ZNF469: variants seen among roughly 807,000 people sequenced by gnomAD.
ZNF469 encodes the protein zinc finger protein 469.
Under a neutral mutation model 1.0 loss-of-function variants are expected in ZNF469, and 1 was observed. The observed-to-expected ratio is 1.00, with a 90% CI of 0.35 to 4.73. ZNF469 has a LOEUF of 4.73. Among genes scored for constraint, ZNF469 ranks in the 30% most tolerant of loss-of-function variants. The pLI is 0.16. For synonymous variants in ZNF469, 2,703 were observed against 2,363.4 expected (o/e 1.14, Z -4.17); for missense variants, 6,100 against 5,356.3 (o/e 1.14, Z -4.33).
At chr16:88,239,678 T>C in the ZNF469 span, among the ~76,000 whole-genome samples, 16 of 4,026 alleles carry the variant, frequency 4.0e-3, 1 homozygote, top group African/African-American at 0.018. Context: ...TATATATATA[T>C]ATATATATAT....
At chr16:88,296,910 G>T in the ZNF469 span, among the ~76,000 whole-genome samples, 6 of 152,194 alleles carry the variant, frequency 3.9e-5, no homozygotes, top group Non-Finnish European at 7.3e-5. Context: ...GCAGCACGTT[G>T]GATGCAGCTG....
chr16:88,307,979 T>A, the ZNF469 span, among the ~76,000 whole-genome samples: 6 of 152,354 alleles, frequency 3.9e-5, no homozygotes, highest in East Asian at 3.9e-4. Context: ...CTCTCACATT[T>A]AGGTTGCTAC....
chr16:88,105,096 G>C, the ZNF469 span, among the ~76,000 whole-genome samples: 674 of 152,206 alleles, frequency 4.4e-3, 3 homozygotes, highest in African/African-American at 0.015. Flanking sequence ...TGGTGCGTGT[G>C]TATAGTCCCA....
the ZNF469 span, among the ~76,000 whole-genome samples, chr16:88,344,091 A>G: frequency 6.6e-6 from 1 of 152,274 alleles, no homozygotes; most frequent in East Asian, 1.9e-4. Context: ...GAGAGTCTCA[A>G]CAGGGAGAGA....
At chr16:88,249,793 G>C in the ZNF469 span, among the ~76,000 whole-genome samples, 1 of 148,402 alleles carries the variant, frequency 6.7e-6, no homozygotes, top group East Asian at 2.0e-4. Context: ...GCTGGTCTGG[G>C]CTCAAGTGAT....
chr16:88,292,424 TCCC>T, the ZNF469 span, among the ~76,000 whole-genome samples: 1 of 152,106 alleles, frequency 6.6e-6, no homozygotes, highest in African/African-American at 2.4e-5. Flanking sequence ...GCCTCCACCC[TCCC>T]ATCTATGAAT....
the ZNF469 span, among the ~76,000 whole-genome samples, chr16:88,136,409 C>T: frequency 2.1e-4 from 32 of 152,354 alleles, no homozygotes; most frequent in African/African-American, 7.5e-4. Flanking sequence ...TTGAGGATGG[C>T]GTGTTGCAGC....
chr16:88,199,961 C>T, the ZNF469 span, among the ~76,000 whole-genome samples: 532 of 152,306 alleles, frequency 3.5e-3, 3 homozygotes, highest in African/African-American at 0.012. Context: ...CCGAGGACCC[C>T]GCAGCAAGGG....
the ZNF469 span, among the ~76,000 whole-genome samples, chr16:88,139,329 GC>G: frequency 6.6e-6 from 1 of 152,066 alleles, no homozygotes; most frequent in Non-Finnish European, 1.5e-5. Context: ...AAACCTTTTT[GC>G]CCCCTGGCCT....
At chr16:88,408,420 G>A (rs1905069162) in intron 1 of ZNF469, among the ~76,000 whole-genome samples, 1 of 152,236 alleles carries the variant, frequency 6.6e-6, no homozygotes, top group African/African-American at 2.4e-5. Flanking sequence ...CCAAAGTGCT[G>A]GGATTTCAGG....
the ZNF469 span, among the ~76,000 whole-genome samples, chr16:88,323,311 GGCC>G: frequency 6.6e-6 from 1 of 152,224 alleles, no homozygotes; most frequent in Admixed American, 6.5e-5. Flanking sequence ...CACCCTCGCA[GGCC>G]GCTCAGTGGA....
chr16:88,269,898 T>C, the ZNF469 span, among the ~76,000 whole-genome samples: 1 of 152,090 alleles, frequency 6.6e-6, no homozygotes, highest in African/African-American at 2.4e-5. Flanking sequence ...CCAGTCATTC[T>C]CCTGCCCACG....
the ZNF469 span, among the ~76,000 whole-genome samples, chr16:88,179,103 T>C: frequency 3.9e-5 from 6 of 152,290 alleles, no homozygotes; most frequent in South Asian, 1.2e-3. Flanking sequence ...TCCGGAGCAG[T>C]CATTCTCGGA....
chr16:88,250,135 C>A, the ZNF469 span, among the ~76,000 whole-genome samples: 2 of 152,218 alleles, frequency 1.3e-5, no homozygotes, highest in Non-Finnish European at 2.9e-5. Flanking sequence ...TTTCACAAAA[C>A]AAAGCCACCA....
the ZNF469 span, among the ~76,000 whole-genome samples, chr16:88,145,989 A>G: frequency 1.3e-5 from 2 of 152,174 alleles, no homozygotes; most frequent in Non-Finnish European, 2.9e-5. Context: ...GTGTTGGGAG[A>G]CTGGGCCACT....
At chr16:88,153,390 G>A in the ZNF469 span, among the ~76,000 whole-genome samples, 1 of 152,214 alleles carries the variant, frequency 6.6e-6, no homozygotes, top group African/African-American at 2.4e-5. Flanking sequence ...TGTCTCTTCC[G>A]ATGCTAACAC....
chr16:88,158,392 G>A, the ZNF469 span, among the ~76,000 whole-genome samples: 2 of 152,028 alleles, frequency 1.3e-5, no homozygotes, highest in Non-Finnish European at 2.9e-5. Context: ...CACCCACCCC[G>A]AGCTGCAAGG....
chr16:88,224,538 C>G, the ZNF469 span, among the ~76,000 whole-genome samples: 2 of 152,132 alleles, frequency 1.3e-5, no homozygotes, highest in Non-Finnish European at 2.9e-5. Flanking sequence ...TGGCCTGCAG[C>G]GTGGCACTTA....
chr16:88,315,921 G>A, the ZNF469 span, among the ~76,000 whole-genome samples: 2 of 152,128 alleles, frequency 1.3e-5, no homozygotes, highest in African/African-American at 2.4e-5. Context: ...TGCCTGCTCC[G>A]GACGTTCCAG....
Sources: gnomAD v4.1 joint callset for allele counts (sites outside exome capture counted in the v4.1 genomes callset) on GRCh38, gnomAD v4.1.1 for gene constraint, MANE v1.5 for transcripts, NCBI Gene and HGNC (gene_info 2026-07-23, HGNC 2026-07-21) for gene names.